The following TRAPPC9 variants were observed in gnomAD, a reference collection of about 807,000 sequenced individuals.
The protein encoded by TRAPPC9 is trafficking protein particle complex subunit 9.
A neutral mutation model predicts 124.0 loss-of-function variants in TRAPPC9; 83 were observed. The ratio of observed to expected loss-of-function variants is 0.67; its 90% CI spans 0.56 to 0.80. TRAPPC9 has a LOEUF of 0.80. TRAPPC9 is among the 30% of genes least tolerant of loss of function. The pLI, the probability that TRAPPC9 is intolerant of heterozygous loss-of-function variation, is 0.00. For synonymous variants in TRAPPC9, 638 were observed against 617.5 expected, an observed-to-expected ratio of 1.03 and a Z score of -0.49; for missense variants, 1,302 against 1,508.3, an observed-to-expected ratio of 0.86 and a Z score of 2.27.
chr8:140,066,744 T>C (rs1223612371), intron 17 of TRAPPC9, among the ~76,000 whole-genome samples: 1 of 152,158 alleles, frequency 6.6e-6, no homozygotes, highest in Non-Finnish European at 1.5e-5. Context: ...CTATTGTGTT[T>C]AAAAAGAAAT....
At chr8:140,260,814 A>G (rs2064386912) in intron 15 of TRAPPC9, among the ~76,000 whole-genome samples, 1 of 152,248 alleles carries the variant, frequency 6.6e-6, no homozygotes, top group African/African-American at 2.4e-5. Flanking sequence ...GCACTGGCAA[A>G]GACCAATCTG....
At chr8:140,136,561 G>C (rs2061307291) in intron 17 of TRAPPC9, among the ~76,000 whole-genome samples, 1 of 152,190 alleles carries the variant, frequency 6.6e-6, no homozygotes, top group African/African-American at 2.4e-5. Context: ...AGTCTGGCTG[G>C]GCACGGTGGC....
At chr8:140,229,987 C>A (rs1427880067) in intron 16 of TRAPPC9, among the ~76,000 whole-genome samples, 1 of 152,180 alleles carries the variant, frequency 6.6e-6, no homozygotes, top group Non-Finnish European at 1.5e-5. Context: ...TCTAGGGTCC[C>A]AGATAACTCC....
intron 16 of TRAPPC9, among the ~76,000 whole-genome samples, chr8:140,240,571 C>T (rs577966558): frequency 9.8e-5 from 15 of 152,292 alleles, no homozygotes; most frequent in African/African-American, 3.1e-4. Flanking sequence ...ATCTAGCCAA[C>T]TTACCTTCTT....
At chr8:139,883,268 G>A (rs1182950990) in intron 21 of TRAPPC9, among the ~76,000 whole-genome samples, 3 of 152,232 alleles carry the variant, frequency 2.0e-5, no homozygotes, top group Non-Finnish European at 2.9e-5. Context: ...GAGGGCCCTC[G>A]CCAGACATAG....
chr8:140,037,879 A>AAC (rs10560088), intron 17 of TRAPPC9, among the ~76,000 whole-genome samples: 4,566 of 90,458 alleles, frequency 0.05, 225 homozygotes, highest in African/African-American at 0.094. Context: ...ACACACCTCC[A>AAC]ACACACACAC....
chr8:139,922,504 A>G (rs1832576832), intron 19 of TRAPPC9, among the ~76,000 whole-genome samples: 1 of 152,220 alleles, frequency 6.6e-6, no homozygotes, highest in Non-Finnish European at 1.5e-5. Context: ...TGTCTTCACA[A>G]AGCAGATGAG....
At chr8:139,988,921 C>A in intron 18 of TRAPPC9, 85 bp from the exon 19 acceptor site, 1 of 944,006 alleles carries the variant, frequency 1.1e-6, no homozygotes, top group Non-Finnish European at 1.7e-6. Context: ...CAAAGACTTC[C>A]CACCACTTAA....
intron 17 of TRAPPC9, among the ~76,000 whole-genome samples, chr8:140,126,117 G>A (rs2061092376): frequency 6.6e-6 from 1 of 152,062 alleles, no homozygotes. Context: ...GCATTTTGCG[G>A]TACGTAACTT....
chr8:139,900,761 G>C (rs1289140153), intron 20 of TRAPPC9, among the ~76,000 whole-genome samples: 1 of 152,114 alleles, frequency 6.6e-6, no homozygotes, highest in Non-Finnish European at 1.5e-5. Flanking sequence ...ATTTGGTAAT[G>C]TACCGCAGTC....
rs1000790134 is a variant in TRAPPC9, at chr8:139,844,485, G to A, written c.3055+41394C>T. ...TCTTTCTGTGAACAACGGAGGGGCCGTTAATTTTCCAGAAAGGAGAGTATG... is the reference window on the plus strand; with the variant it reads ...TCTTTCTGTGAACAACGGAGGGGCCATTAATTTTCCAGAAAGGAGAGTATG... On this transcript the variant is annotated intron_variant, in intron 21 of 22. Coordinates refer to ENST00000438773, the MANE Select transcript of TRAPPC9 (RefSeq NM_001160372.4). Among the ~76,000 whole-genome samples, 5 of 152,362 alleles carry A rather than the reference G, an allele frequency of 3.3e-5. No individual in the cohort carries two copies. In the East Asian group the frequency reaches 5.8e-4, roughly 18 times the overall value.
chr8:139,780,305 G>A (rs944410809), intron 21 of TRAPPC9, among the ~76,000 whole-genome samples: 1 of 152,148 alleles, frequency 6.6e-6, no homozygotes, highest in Non-Finnish European at 1.5e-5. Context: ...ATTGGTGAAA[G>A]AAATAGATCA....
At chr8:139,917,392 G>A (rs999020116) in intron 19 of TRAPPC9, among the ~76,000 whole-genome samples, 15 of 151,924 alleles carry the variant, frequency 9.9e-5, no homozygotes, top group African/African-American at 2.2e-4. Flanking sequence ...GTGTTAGCCC[G>A]GATGGTCTCG....
intron 18 of TRAPPC9, among the ~76,000 whole-genome samples, chr8:139,994,203 G>T (rs75921407): frequency 0.011 from 1,611 of 152,368 alleles, 29 homozygotes; most frequent in African/African-American, 0.037. Flanking sequence ...GCAAAGTGGG[G>T]CAGCAGAGGA....
intron 9 of TRAPPC9, among the ~76,000 whole-genome samples, chr8:140,317,701 T>A (rs980866973): frequency 1.3e-5 from 2 of 152,176 alleles, no homozygotes; most frequent in African/African-American, 4.8e-5. Context: ...AGGAAGAAAG[T>A]CATGTCCCTA....
intron 18 of TRAPPC9, among the ~76,000 whole-genome samples, chr8:139,996,179 A>AC (rs1199776257): frequency 6.9e-6 from 1 of 145,568 alleles, no homozygotes; most frequent in African/African-American, 2.5e-5. Context: ...AAAAAAAAAA[A>AC]AAAGAAAGGA....
At chr8:140,326,266 G>A (rs1248890609) in intron 9 of TRAPPC9, among the ~76,000 whole-genome samples, 2 of 151,906 alleles carry the variant, frequency 1.3e-5, no homozygotes, top group Non-Finnish European at 2.9e-5. Context: ...GTTACTGCAG[G>A]GAAGGCACCT....
At chr8:139,899,461 T>G (rs1338916590) in intron 20 of TRAPPC9, among the ~76,000 whole-genome samples, 2 of 152,168 alleles carry the variant, frequency 1.3e-5, no homozygotes, top group Non-Finnish European at 1.5e-5. Flanking sequence ...TGGACCATCC[T>G]TCATCCTTAT....
intron 14 of TRAPPC9, among the ~76,000 whole-genome samples, chr8:140,281,595 T>C (rs1027672848): frequency 6.6e-6 from 1 of 152,354 alleles, no homozygotes; most frequent in East Asian, 1.9e-4. Context: ...TAAAAGCTTT[T>C]AATTTTGATG....
Sources: gnomAD v4.1 joint callset for allele counts (sites outside exome capture counted in the v4.1 genomes callset) on GRCh38, gnomAD v4.1.1 for gene constraint, MANE v1.5 for transcripts, NCBI Gene and HGNC (gene_info 2026-07-23, HGNC 2026-07-21) for gene names.